NXN: variants seen among roughly 807,000 people sequenced by gnomAD.
NXN encodes the protein nucleoredoxin.
NXN carries 16 observed loss-of-function variants against 48.6 expected under a neutral mutation model. The observed-to-expected ratio is 0.33, with a 90% CI of 0.22 to 0.50. The LOEUF is 0.50. NXN is among the 20% of genes least tolerant of loss of function. NXN has a pLI of 0.98. For synonymous variants in NXN, 281 were observed against 269.6 expected, an observed-to-expected ratio of 1.04 and a Z score of -0.41; for missense variants, 492 against 605.5, an observed-to-expected ratio of 0.81 and a Z score of 1.97.
intron 1 of NXN, among the ~76,000 whole-genome samples, chr17:925,627 G>C (rs1251975262): frequency 1.3e-5 from 2 of 152,170 alleles, no homozygotes; most frequent in Non-Finnish European, 2.9e-5. Context: ...GACCTCAGGT[G>C]ATCCGCCCGC....
In NXN at chr17:809,944, G is replaced by A. The variant is rs78906611; in HGVS notation, c.821-4697C>T. ...AAGAGTCCGTGTGAGTGGCGTGTAC[G>A]TTACGAGTCTGTGTGAGTGGCGTGT... is the stretch of plus-strand genomic sequence containing the variant. On this transcript the variant is annotated intron_variant, in intron 5 of 7. Coordinates refer to ENST00000336868, the MANE Select transcript of NXN (RefSeq NM_022463.5). Among the ~76,000 whole-genome samples, 3 of 119,512 alleles carry A rather than the reference G, an allele frequency of 2.5e-5. 1 individual carries two copies. The highest frequency in any genetic ancestry group is 5.6e-5 in the Non-Finnish European group (3 of 53,654). 78.4% of individuals were successfully genotyped at this position (119,512 alleles called of 152,430 possible).
chr17:972,417 C>T (rs1335772802), intron 1 of NXN, among the ~76,000 whole-genome samples: 1 of 151,870 alleles, frequency 6.6e-6, no homozygotes, highest in Non-Finnish European at 1.5e-5. Context: ...GCGGAGGTTG[C>T]AGTGAGCCGA....
chr17:960,962 T>C (rs1372561709), intron 1 of NXN, among the ~76,000 whole-genome samples: 1 of 151,922 alleles, frequency 6.6e-6, no homozygotes, highest in Non-Finnish European at 1.5e-5. Context: ...TTTTTTCTAT[T>C]TTTAGTAGAG....
chr17:814,242 G>C (rs1912343915), intron 5 of NXN, among the ~76,000 whole-genome samples: 1 of 152,126 alleles, frequency 6.6e-6, no homozygotes, highest in African/African-American at 2.4e-5. Flanking sequence ...CTGGGTGATA[G>C]AGTGAGACTC....
intron 5 of NXN, among the ~76,000 whole-genome samples, chr17:815,405 G>A (rs894064985): frequency 2.7e-5 from 4 of 149,824 alleles, no homozygotes; most frequent in Admixed American, 1.3e-4. Context: ...ACACCCATCC[G>A]TACGATGAGG....
intron 1 of NXN, among the ~76,000 whole-genome samples, chr17:857,786 C>A (rs1471946971): frequency 6.6e-6 from 1 of 152,106 alleles, no homozygotes; most frequent in Non-Finnish European, 1.5e-5. Flanking sequence ...GTAGAGACCT[C>A]CTCTAGGTGG....
chr17:973,552 T>A (rs771308235), intron 1 of NXN, among the ~76,000 whole-genome samples: 2 of 152,226 alleles, frequency 1.3e-5, no homozygotes, highest in Non-Finnish European at 2.9e-5. Flanking sequence ...TGGAGCGTCA[T>A]TGGCAGATAG....
rs77060172 is a variant in NXN at position 813,296 on chromosome 17, G to C, written c.820+6143C>G. Among the ~76,000 whole-genome samples the C allele has an allele frequency of 4.9e-3, 750 of 152,362 alleles. 29 individuals are homozygous for C. The East Asian group carries it at 0.098, about 20-fold the overall frequency. ...TCCCATCAAGGGATGGTGCAGTCTA[G>C]GGAGGGTGGCTGGCTTCTAAGACTA... On this transcript the variant is annotated intron_variant, in intron 5 of 7. Coordinates refer to ENST00000336868, the MANE Select transcript of NXN (RefSeq NM_022463.5).
At chr17:853,590 G>A (rs2067948398) in intron 1 of NXN, among the ~76,000 whole-genome samples, 1 of 151,526 alleles carries the variant, frequency 6.6e-6, no homozygotes. Flanking sequence ...CAGCTCTTCG[G>A]GGGAGCCTTC....
At chr17:885,837 C>A (rs923524362) in intron 1 of NXN, among the ~76,000 whole-genome samples, 36 of 140,222 alleles carry the variant, frequency 2.6e-4, no homozygotes, top group Non-Finnish European at 5.1e-4. Context: ...CCCGCCACCA[C>A]GCCCGGCTAA....
In NXN at chr17:958,128, G is replaced by A. The variant is rs1343124309; in HGVS notation, c.360+21191C>T. Among the ~76,000 whole-genome samples the A allele has an allele frequency of 6.6e-6, 1 of 152,034 alleles. No homozygotes were observed. Among genetic ancestry groups the A allele is most frequent in the African/African-American group, 2.4e-5 (1 of 41,368 alleles). On this transcript the variant is annotated intron_variant, in intron 1 of 7. Transcript: ENST00000336868. The surrounding 1 kb of genome is among the most constrained non-coding windows in gnomAD (Gnocchi z 6.9). Reference sequence around the variant, plus strand: ...CCTTCCCACACGGCTATTTATATCTGGAATATCTCTCTGTCTTAATCCACT... The same window carrying A: ...CCTTCCCACACGGCTATTTATATCTAGAATATCTCTCTGTCTTAATCCACT...
At chr17:963,522 A>G (rs1222687966) in intron 1 of NXN, among the ~76,000 whole-genome samples, 2 of 152,162 alleles carry the variant, frequency 1.3e-5, no homozygotes, top group Non-Finnish European at 2.9e-5. Flanking sequence ...GGATCGCTTG[A>G]AACCAGGTGG....
rs768843237 is a variant in NXN, at chr17:917,618, C to T, written c.360+61701G>A. Among the ~76,000 whole-genome samples the T allele has an allele frequency of 1.4e-4, 22 of 152,254 alleles. No homozygotes were observed. Among genetic ancestry groups the T allele is most frequent in the Non-Finnish European group, 2.4e-4 (16 of 68,048 alleles). On this transcript the variant is annotated intron_variant, in intron 1 of 7. Coordinates refer to ENST00000336868, the MANE Select transcript of NXN (RefSeq NM_022463.5). This position sits in a 1 kb window ranked among gnomAD's most constrained non-coding sequence, Gnocchi z 4.5. ...CTACAGGCTCGATTCCCAGCTCTCC[C>T]ACAAGGACGTGGCTCAGACGCACGT...
chr17:853,098 C>T (rs1034931053), intron 1 of NXN, among the ~76,000 whole-genome samples: 1 of 152,182 alleles, frequency 6.6e-6, no homozygotes, highest in Admixed American at 6.5e-5. Context: ...CTGCTTCAGC[C>T]TCCTGAGTAG....
In NXN at chr17:979,773, G is replaced by A. The variant is rs1439437349; in HGVS notation, c.-95C>T. 1.5e-5 allele frequency: 16 copies of A among 1,075,644 alleles called. No individual in the cohort carries two copies. Among genetic ancestry groups the A allele is most frequent in the South Asian group, 3.0e-5 (1 of 33,014 alleles). The allele number at this position is 1,075,644 out of a possible 1,614,324, so 66.6% of individuals were successfully genotyped here. A position where few individuals can be genotyped will look rare whatever the true frequency, so the allele number is the denominator to read the frequency against. On this transcript the variant is annotated 5_prime_UTR_variant, in exon 1 of 8. Transcript: ENST00000336868. ...CGGCGTCGGCGGCAGGCGCTGGGGA[G>A]AGCAGAGCCCGGCCCAGTAGGGCCG...
chr17:805,231 G>T lies in NXN; in HGVS notation c.837C>A (p.Ile279=), dbSNP rs756828096. 3 of 1,611,122 alleles carry T rather than the reference G, an allele frequency of 1.9e-6. No individual in the cohort carries two copies. Among genetic ancestry groups the T allele is most frequent in the Admixed American group, 1.7e-5 (1 of 59,874 alleles). The change falls in exon 6 of 8, where the codon ATC becomes ATA. Residue 279 remains isoleucine (I), a synonymous_variant. Coordinates refer to ENST00000336868, the MANE Select transcript of NXN (RefSeq NM_022463.5). ...TCACCTCGCCCTGCGGGTCCAGCATGATGAGCGTGGGGATGCCTGCAGGGA... is the reference window on the plus strand; with the variant it reads ...TCACCTCGCCCTGCGGGTCCAGCATTATGAGCGTGGGGATGCCTGCAGGGA... ...LYGIQGIPTL[I]MLDPQGEVIT...
chr17:954,807 C>G (rs75437021), intron 1 of NXN, among the ~76,000 whole-genome samples: 3,947 of 152,340 alleles, frequency 0.026, 188 homozygotes, highest in African/African-American at 0.089. Flanking sequence ...AGTTAGGGGC[C>G]GCATCGGCCT....
intron 1 of NXN, among the ~76,000 whole-genome samples, chr17:972,258 T>C (rs2069392693): frequency 1.4e-5 from 2 of 147,182 alleles, no homozygotes; most frequent in East Asian, 2.0e-4. Flanking sequence ...GCTGAGATGG[T>C]GTCATTGCAC....
chr17:960,007 G>A (rs562082231), intron 1 of NXN, among the ~76,000 whole-genome samples: 42 of 151,692 alleles, frequency 2.8e-4, no homozygotes, highest in African/African-American at 9.9e-4. Flanking sequence ...CAGGAGAATC[G>A]CTTGAACCCG....
Sources: allele counts gnomAD v4.1 joint callset (sites outside exome capture counted in the v4.1 genomes callset), GRCh38; gene constraint gnomAD v4.1.1; non-coding constraint Gnocchi (gnomAD v3.1); transcripts MANE v1.5; gene names NCBI Gene and HGNC (gene_info 2026-07-23, HGNC 2026-07-21).